Variants in SRPK1 observed in about 807,000 individuals in gnomAD.
SRPK1 encodes SFRS protein kinase 1.
In SRPK1, 52 loss-of-function variants were observed where a neutral mutation model predicts 89.5. That is an observed-to-expected ratio of 0.58 (90% CI 0.46 to 0.73). The LOEUF is 0.73. Ranked by LOEUF, SRPK1 falls within the 30% of genes least tolerant of loss-of-function variation. SRPK1 has a pLI of 0.00. For synonymous variants in SRPK1, 255 were observed against 270.2 expected (o/e 0.94, Z 0.55); for missense variants, 603 against 780.6 (o/e 0.77, Z 2.71).
At chr6:35,909,182 C>G (rs1419351675) in intron 2 of SRPK1, among the ~76,000 whole-genome samples, 1 of 152,244 alleles carries the variant, frequency 6.6e-6, no homozygotes, top group Non-Finnish European at 1.5e-5. Context: ...CACAGGCACT[C>G]AATGCCAGTC....
chr6:35,905,500 A>C (rs536681060), intron 2 of SRPK1, among the ~76,000 whole-genome samples: 1 of 152,372 alleles, frequency 6.6e-6, no homozygotes, highest in Non-Finnish European at 1.5e-5. Flanking sequence ...CTTTTTAAAA[A>C]AGTCAAAGAT....
intron 3 of SRPK1, 36 bp downstream of exon 3, chr6:35,890,859 G>A: frequency 6.6e-7 from 1 of 1,510,582 alleles, no homozygotes; most frequent in Admixed American, 2.2e-5. Flanking sequence ...CAAATAGATG[G>A]CTCATGTCTC....
At chr6:35,886,058 T>A (rs1770402172) in intron 6 of SRPK1, among the ~76,000 whole-genome samples, 1 of 150,842 alleles carries the variant, frequency 6.6e-6, no homozygotes, top group Admixed American at 6.7e-5. Context: ...CTTTCTCTCT[T>A]TTTCTCTTTC....
At position 35,886,812 on chromosome 6, in the gene SRPK1, C is replaced by G; in HGVS notation, c.391-1G>C. 1.9e-6 allele frequency: 3 copies of G among 1,586,038 alleles called. No individual in the cohort carries two copies. The highest frequency in any genetic ancestry group is 2.6e-6 in the Non-Finnish European group (3 of 1,155,092). ...GATCATTAGGGTCTGAATTGCGAAC[C>G]TGTAGTGGGGAAGAGACAGTGTTTA... On this transcript the variant is annotated splice_acceptor_variant, in intron 5 of 15. Coordinates refer to ENST00000373825, the MANE Select transcript of SRPK1 (RefSeq NM_003137.5). LOFTEE classifies it high-confidence loss of function.
At chr6:35,919,356 A>C (rs893434156) in intron 2 of SRPK1, among the ~76,000 whole-genome samples, 1 of 152,102 alleles carries the variant, frequency 6.6e-6, no homozygotes, top group Non-Finnish European at 1.5e-5. Flanking sequence ...AGCCTCCAAA[A>C]ACAACACACA....
chr6:35,845,799 G>C (rs1383375890), intron 13 of SRPK1, among the ~76,000 whole-genome samples: 1 of 152,252 alleles, frequency 6.6e-6, no homozygotes, highest in Non-Finnish European at 1.5e-5. Flanking sequence ...AAGTGAGGAA[G>C]ACAAGTCAGA....
At chr6:35,855,133 C>T (rs1173254582) in intron 13 of SRPK1, among the ~76,000 whole-genome samples, 1 of 152,060 alleles carries the variant, frequency 6.6e-6, no homozygotes, top group African/African-American at 2.4e-5. Flanking sequence ...AACCCCGTCT[C>T]TACTAAAAAT....
At chr6:35,883,538 TTTG>T (rs1770341900) in intron 6 of SRPK1, among the ~76,000 whole-genome samples, 2 of 152,296 alleles carry the variant, frequency 1.3e-5, no homozygotes, top group African/African-American at 4.8e-5. Context: ...TTAATTTTTA[TTTG>T]TTGAGAGAAG....
intron 2 of SRPK1, among the ~76,000 whole-genome samples, chr6:35,912,159 G>C (rs533989685): frequency 9.9e-5 from 15 of 151,978 alleles, no homozygotes; most frequent in Admixed American, 2.6e-4. Context: ...AACATAATGA[G>C]ATTCCATCCC....
intron 2 of SRPK1, among the ~76,000 whole-genome samples, chr6:35,892,561 A>C (rs1293982691): frequency 6.6e-6 from 1 of 152,070 alleles, no homozygotes; most frequent in Non-Finnish European, 1.5e-5. Flanking sequence ...CTGAGGCACA[A>C]TAATCACTTG....
chr6:35,843,115 C>G (rs1038572901), intron 13 of SRPK1, among the ~76,000 whole-genome samples: 1 of 151,190 alleles, frequency 6.6e-6, no homozygotes, highest in Non-Finnish European at 1.5e-5. Flanking sequence ...ACTACAGGTG[C>G]CCACCACCAC....
At chr6:35,871,172 G>T (rs1012480354) in intron 8 of SRPK1, among the ~76,000 whole-genome samples, 4 of 151,896 alleles carry the variant, frequency 2.6e-5, no homozygotes, top group African/African-American at 9.7e-5. Flanking sequence ...TAAAAAAAAG[G>T]GATAAATAAA....
At chr6:35,870,226 A>G in intron 10 of SRPK1, 55 bp downstream of exon 10, 1 of 1,489,256 alleles carries the variant, frequency 6.7e-7, no homozygotes, top group Non-Finnish European at 9.2e-7. Flanking sequence ...TATAGCAATG[A>G]TAAATTAACG....
chr6:35,834,039 CAATT>C lies in SRPK1; in HGVS notation c.*1261_*1264del, dbSNP rs946469330. The C allele has an allele frequency of 2.0e-5, 3 of 152,498 alleles. No homozygotes were observed. Among genetic ancestry groups the C allele is most frequent in the South Asian group, 2.1e-4 (1 of 4,822 alleles). 9.4% of individuals were successfully genotyped at this position (152,498 alleles called of 1,614,324 possible). ...AAAAAAAAATTGCAAAGTCTTTTCT[CAATT>C]AAAACAAAAAAGCCTCAAGTACATC... On this transcript the variant is annotated 3_prime_UTR_variant, in exon 16 of 16. Coordinates refer to ENST00000373825, the MANE Select transcript of SRPK1 (RefSeq NM_003137.5).
chr6:35,878,587 C>T (rs1480746926), intron 6 of SRPK1, among the ~76,000 whole-genome samples: 2 of 152,188 alleles, frequency 1.3e-5, no homozygotes, highest in Admixed American at 6.5e-5. Context: ...CTATAGCAAG[C>T]AGCCCTGCAC....
intron 2 of SRPK1, 22 bp from the exon 3 acceptor site, chr6:35,891,035 C>T (rs1248752638): frequency 6.5e-7 from 1 of 1,541,760 alleles, no homozygotes; most frequent in Non-Finnish European, 8.7e-7. Context: ...TACAAAAATG[C>T]CCATTCCATT....
At chr6:35,914,498 T>C (rs1359082567) in intron 2 of SRPK1, among the ~76,000 whole-genome samples, 1 of 152,204 alleles carries the variant, frequency 6.6e-6, no homozygotes, top group Non-Finnish European at 1.5e-5. Context: ...TCCAAGTCTT[T>C]GTTCAAATGT....
chr6:35,891,088 A>G, intron 2 of SRPK1, 75 bp from the exon 3 acceptor site: 1 of 1,470,222 alleles, frequency 6.8e-7, no homozygotes. Flanking sequence ...TGCCCTCCCC[A>G]CAAAAAACTA....
chr6:35,895,294 C>T (rs768517270), intron 2 of SRPK1, among the ~76,000 whole-genome samples: 1 of 151,976 alleles, frequency 6.6e-6, no homozygotes, highest in Non-Finnish European at 1.5e-5. Context: ...CAAAGTAGAA[C>T]GTAAGGATTC....
Sources: allele counts gnomAD v4.1 joint callset (sites outside exome capture counted in the v4.1 genomes callset), GRCh38; gene constraint gnomAD v4.1.1; transcripts MANE v1.5; gene names NCBI Gene and HGNC (gene_info 2026-07-23, HGNC 2026-07-21).